Variants in MEIKIN observed in about 807,000 individuals in gnomAD.
The protein encoded by MEIKIN is meiosis-specific kinetochore protein.
intron 5 of MEIKIN, among the ~76,000 whole-genome samples, chr5:131,927,942 G>A (rs1438648527): frequency 6.6e-6 from 1 of 151,758 alleles, no homozygotes; most frequent in Admixed American, 6.6e-5. Context: ...TCAGGAGATC[G>A]AGACCATCCT....
In MEIKIN at chr5:131,871,968, G is replaced by A. The variant is rs569019338; in HGVS notation, c.774+7010C>T. ...TGTTAGAAGGAAAACTAACAAACAG[G>A]AAGGACATCCACCCCAAAAACCCAT... On this transcript the variant is annotated intron_variant, in intron 9 of 12. Coordinates refer to ENST00000442687, the MANE Select transcript of MEIKIN (RefSeq NM_001303622.2). Among the ~76,000 whole-genome samples the A allele has an allele frequency of 3.6e-3, 554 of 152,062 alleles. 2 individuals are homozygous for A. Among genetic ancestry groups the A allele is most frequent in the African/African-American group, 0.013 (539 of 41,512 alleles).
At chr5:131,814,278 CTTTT>C (rs35694343) in intron 12 of MEIKIN, among the ~76,000 whole-genome samples, 4 of 137,038 alleles carry the variant, frequency 2.9e-5, no homozygotes, top group African/African-American at 5.5e-5. Context: ...TTGGACAGAT[CTTTT>C]TTTTTTTTTT....
intron 9 of MEIKIN, among the ~76,000 whole-genome samples, chr5:131,855,963 T>A (rs1363243142): frequency 2.0e-5 from 3 of 152,220 alleles, no homozygotes; most frequent in Admixed American, 6.5e-5. Context: ...ATCCTTCTGA[T>A]AAATGTTCTT....
At chr5:131,886,934 T>TA (rs1318243173) in intron 8 of MEIKIN, among the ~76,000 whole-genome samples, 7 of 146,078 alleles carry the variant, frequency 4.8e-5, no homozygotes, top group Non-Finnish European at 7.5e-5. Flanking sequence ...GTATATCTCC[T>TA]AATGCTATCC....
At chr5:131,878,266 T>A (rs1310881115) in intron 9 of MEIKIN, among the ~76,000 whole-genome samples, 1 of 152,198 alleles carries the variant, frequency 6.6e-6, no homozygotes, top group Non-Finnish European at 1.5e-5. Context: ...TGAAAAGGAA[T>A]TCCTATAAAA....
In MEIKIN at chr5:131,814,829, A is replaced by C. The variant is rs1025320650; in HGVS notation, c.1099+3911T>G. 2.6e-5 allele frequency among the ~76,000 whole-genome samples: 4 copies of C among 152,242 alleles called. No individual in the cohort carries two copies. The East Asian group carries it at 7.7e-4, about 29-fold the overall frequency. On this transcript the variant is annotated intron_variant, in intron 12 of 12. Transcript: ENST00000442687. The stretch of plus-strand genomic sequence containing the variant: ...GAACAAAGTGGCCACAGTGGCAAGA[A>C]TGGAGGTCATACATAGGCTCAGCAA...
chr5:131,872,310 G>A (rs1750519451), intron 9 of MEIKIN, among the ~76,000 whole-genome samples: 1 of 152,224 alleles, frequency 6.6e-6, no homozygotes, highest in African/African-American at 2.4e-5. Flanking sequence ...TAAAAGACCT[G>A]ATGGAGCTGA....
At chr5:131,910,754 AGAAAT>A (rs1751321208) in intron 8 of MEIKIN, among the ~76,000 whole-genome samples, 1 of 151,868 alleles carries the variant, frequency 6.6e-6, no homozygotes, top group South Asian at 2.1e-4. Context: ...AATTGTAAAA[AGAAAT>A]GTGTAAAAAA....
intron 11 of MEIKIN, among the ~76,000 whole-genome samples, chr5:131,827,143 C>T (rs1328297923): frequency 6.6e-6 from 1 of 152,104 alleles, no homozygotes; most frequent in African/African-American, 2.4e-5. Context: ...TGCCACAATG[C>T]CTGGCTAATT....
intron 11 of MEIKIN, among the ~76,000 whole-genome samples, chr5:131,841,156 A>G (rs1434219891): frequency 1.3e-5 from 2 of 152,106 alleles, no homozygotes; most frequent in Non-Finnish European, 2.9e-5. Context: ...TCTAATTCTG[A>G]GGGACTTGTA....
chr5:131,840,552 C>A (rs1287905819), intron 11 of MEIKIN, among the ~76,000 whole-genome samples: 4 of 152,132 alleles, frequency 2.6e-5, no homozygotes, highest in Non-Finnish European at 5.9e-5. Context: ...CCTTTTCATT[C>A]TTTTTTCTCT....
At chr5:131,833,541 A>G (rs940366467) in intron 11 of MEIKIN, among the ~76,000 whole-genome samples, 2 of 152,206 alleles carry the variant, frequency 1.3e-5, no homozygotes, top group African/African-American at 4.8e-5. Flanking sequence ...TTGGACTAAC[A>G]GTTCCACATG....
At chr5:131,822,210 T>C (rs1320131711) in intron 11 of MEIKIN, among the ~76,000 whole-genome samples, 2 of 152,174 alleles carry the variant, frequency 1.3e-5, no homozygotes, top group African/African-American at 2.4e-5. Flanking sequence ...CAACAGATCA[T>C]TGGGTCTTGT....
intron 11 of MEIKIN, among the ~76,000 whole-genome samples, chr5:131,822,176 T>C (rs1339597014): frequency 6.6e-6 from 1 of 152,240 alleles, no homozygotes; most frequent in Admixed American, 6.5e-5. Context: ...TGTATCTTTA[T>C]AGCTGAAGTG....
intron 11 of MEIKIN, among the ~76,000 whole-genome samples, chr5:131,832,323 T>G (rs1294398819): frequency 1.3e-5 from 2 of 152,148 alleles, no homozygotes; most frequent in Non-Finnish European, 2.9e-5. Flanking sequence ...CATGATATTT[T>G]TTTTGACTCC....
intron 8 of MEIKIN, among the ~76,000 whole-genome samples, chr5:131,897,531 C>T (rs568189046): frequency 2.0e-5 from 3 of 152,282 alleles, no homozygotes; most frequent in South Asian, 4.1e-4. Flanking sequence ...ACCAGTCAAA[C>T]GTAGATTTGG....
intron 5 of MEIKIN, among the ~76,000 whole-genome samples, chr5:131,926,975 T>C (rs1315465792): frequency 3.3e-5 from 5 of 152,200 alleles, no homozygotes; most frequent in Non-Finnish European, 7.4e-5. Flanking sequence ...GATTTCTTTC[T>C]ATTTTTTTCA....
intron 12 of MEIKIN, among the ~76,000 whole-genome samples, chr5:131,815,083 A>C (rs891908832): frequency 2.6e-5 from 4 of 151,614 alleles, no homozygotes; most frequent in Non-Finnish European, 5.9e-5. Flanking sequence ...ATTCTGCCAA[A>C]ATTGTCATCC....
chr5:131,867,705 T>A (rs1312453020), intron 9 of MEIKIN, among the ~76,000 whole-genome samples: 1 of 152,240 alleles, frequency 6.6e-6, no homozygotes, highest in Non-Finnish European at 1.5e-5. Context: ...GCTGGATACC[T>A]AATTCCTTTT....
Sources: gnomAD v4.1 joint callset for allele counts (sites outside exome capture counted in the v4.1 genomes callset) on GRCh38, gnomAD v4.1.1 for gene constraint, MANE v1.5 for transcripts, NCBI Gene and HGNC (gene_info 2026-07-23, HGNC 2026-07-21) for gene names.